Variants in SIGLEC10 observed in about 807,000 individuals in gnomAD.
The protein encoded by SIGLEC10 is sialic acid binding Ig like lectin 10.
Under a neutral mutation model 68.3 loss-of-function variants are expected in SIGLEC10, and 45 were observed. The observed-to-expected ratio is 0.66, with a 90% CI of 0.52 to 0.84. The LOEUF (loss-of-function observed/expected upper bound fraction) is 0.84, where lower values mean the gene tolerates loss of function less well. SIGLEC10 is among the 40% of genes least tolerant of loss of function. The pLI is 0.00. For synonymous variants in SIGLEC10, 379 were observed against 370.8 expected (o/e 1.02, Z -0.26); for missense variants, 789 against 883.1 (o/e 0.89, Z 1.35).
At chr19:51,412,699 A>C (rs6509535) in intron 10 of SIGLEC10, among the ~76,000 whole-genome samples, 80,311 of 151,558 alleles carry the variant, frequency 0.53, 23,754 homozygotes, top group African/African-American at 0.81. Context: ...TGCTCTTAAA[A>C]TTTTGACCTC....
chr19:51,410,921 T>C lies in SIGLEC10; in HGVS notation c.*178A>G. On this transcript the variant is annotated 3_prime_UTR_variant, in exon 11 of 11. Coordinates refer to ENST00000339313, the MANE Select transcript of SIGLEC10 (RefSeq NM_033130.5). Reference sequence around the variant, plus strand: ...ACCTCAACCTCCCAAAGTGCTGGGATTACAGGCGTGAGCCACTGTGCCCTG... The same window carrying C: ...ACCTCAACCTCCCAAAGTGCTGGGACTACAGGCGTGAGCCACTGTGCCCTG... The C allele has an allele frequency of 1.4e-6, 1 of 718,644 alleles. No homozygotes were observed. The highest frequency in any genetic ancestry group is 2.2e-6 in the Non-Finnish European group (1 of 454,350). The allele number at this position is 718,644 out of a possible 1,614,324, so 44.5% of individuals were successfully genotyped here. A position where few individuals can be genotyped will look rare whatever the true frequency, so the allele number is the denominator to read the frequency against.
chr19:51,412,682 A>G (rs1397776249), intron 10 of SIGLEC10, among the ~76,000 whole-genome samples: 1 of 151,734 alleles, frequency 6.6e-6, no homozygotes, highest in African/African-American at 2.4e-5. Context: ...CACCATGTTG[A>G]ACACGCTGCT....
Position 51,415,063 on chromosome 19 carries a change from C to A in SIGLEC10, c.1376G>T (p.Gly459Val). ...CTGGGAGGAGCAGCTGCAGTGCAGACCCTCAGCCTCCCAGGAGCAGGAGGG... is the reference window on the plus strand; with the variant it reads ...CTGGGAGGAGCAGCTGCAGTGCAGAACCTCAGCCTCCCAGGAGCAGGAGGG... ...LGPSCSWEAE[G>V]LHCSCSSQAS... The change falls in exon 8 of 11, where the codon GGT becomes GTT. Residue 459 changes from glycine to valine, a missense_variant. Transcript: ENST00000339313. 1 of 1,588,166 alleles carries A rather than the reference C, an allele frequency of 6.3e-7. No individual in the cohort carries two copies.
At chr19:51,416,528 C>T (rs562346187) in intron 3 of SIGLEC10, 138 bp downstream of exon 3, 71 of 1,568,782 alleles carry the variant, frequency 4.5e-5, no homozygotes, top group South Asian at 1.7e-4. Context: ...CCCAGGGCTG[C>T]GGCGGCATCC....
rs1988550262 is a variant in SIGLEC10 at position 51,415,720 on chromosome 19, G to C, written c.1025-105C>G. 3.1e-6 allele frequency: 5 copies of C among 1,592,666 alleles called. No individual in the cohort carries two copies. In the Admixed American group the frequency reaches 6.8e-5, roughly 22 times the overall value. On this transcript the variant is annotated intron_variant, in intron 5 of 10. Transcript: ENST00000339313. ...GTGGGGGAAGTGGGTGGGATAGAAG[G>C]GCAGGGCAGAATCACCCACTGAGTC...
In SIGLEC10 at chr19:51,417,265, G is replaced by C. The variant is rs763135249; in HGVS notation, c.238C>G (p.Arg80Gly). The C allele has an allele frequency of 6.2e-7, 1 of 1,614,184 alleles. No homozygotes were observed. Among genetic ancestry groups the C allele is most frequent in the Non-Finnish European group, 8.5e-7 (1 of 1,180,028 alleles). Residue 80 changes from arginine (R) to glycine (G), a missense_variant, in exon 2 of 11, where the codon CGA becomes GGA. Arg to Gly is a moderately radical substitution (Grantham distance 125, BLOSUM62 -2). Transcript: ENST00000339313. ...GAPVATNHQS[R>G]EVEMSTRGRF... ...CCCCGGGTGCTCATTTCCACCTCTC[G>C]ACTCTGGTGGTTTGTGGCCACAGGA...
intron 10 of SIGLEC10, 71 bp downstream of exon 10, chr19:51,413,641 G>A: frequency 1.5e-6 from 2 of 1,354,554 alleles, no homozygotes; most frequent in Non-Finnish European, 2.1e-6. Flanking sequence ...AAGACAAGGG[G>A]TGCAAAAGTC....
chr19:51,414,956 T>C lies in SIGLEC10; in HGVS notation c.1483A>G (p.Thr495Ala), dbSNP rs766261919. The C allele has an allele frequency of 1.9e-6, 3 of 1,613,658 alleles. No individual in the cohort carries two copies. Among genetic ancestry groups the C allele is most frequent in the South Asian group, 2.2e-5 (2 of 91,050 alleles). Reference sequence around the variant, plus strand: ...GCCCAGGGCCCGGCTGAGCTGGGGGTGACCTCGAAGGAGTCCTGGCTGCTG... The same window carrying C: ...GCCCAGGGCCCGGCTGAGCTGGGGGCGACCTCGAAGGAGTCCTGGCTGCTG... ...GNSSQDSFEV[T>A]PSSAGPWANS... The change falls in exon 8 of 11, where the codon ACC (threonine) becomes GCC (alanine). Residue 495 changes from threonine (T) to alanine (A), a missense_variant. By Grantham distance (58) the Thr-to-Ala change is moderately conservative. Transcript: ENST00000339313. This position sits in a 1 kb window ranked among gnomAD's most constrained non-coding sequence, Gnocchi z 4.1.
At chr19:51,411,399 C>T in intron 10 of SIGLEC10, 28 bp from the exon 11 acceptor site, 1 of 1,610,734 alleles carries the variant, frequency 6.2e-7, no homozygotes, top group Non-Finnish European at 8.5e-7. Context: ...ATCCTTCATT[C>T]ATTCATTCAG....
At chr19:51,416,282 C>G (rs1452134123) in intron 4 of SIGLEC10, 28 bp downstream of exon 4, 2 of 1,613,858 alleles carry the variant, frequency 1.2e-6, no homozygotes, top group Non-Finnish European at 1.7e-6. Flanking sequence ...GACAACTGGC[C>G]CAGCCCCAGC....
At position 51,411,005 on chromosome 19, in the gene SIGLEC10, AGG is replaced by A; in HGVS notation, c.*92_*93del. On this transcript the variant is annotated 3_prime_UTR_variant, in exon 11 of 11. Coordinates refer to ENST00000339313, the MANE Select transcript of SIGLEC10 (RefSeq NM_033130.5). The stretch of plus-strand genomic sequence containing the variant: ...GAGAGAGAGAGAAAGAGAGAGAGAG[AGG>A]GAGAGAAGGAAACTTTGCACTCTGT... 7.4e-7 allele frequency: 1 copy of A among 1,360,490 alleles called. No individual in the cohort carries two copies. The highest frequency in any genetic ancestry group is 1.0e-6 in the Non-Finnish European group (1 of 994,252). The allele number at this position is 1,360,490 out of a possible 1,614,324, so 84.3% of individuals were successfully genotyped here. A position where few individuals can be genotyped will look rare whatever the true frequency, so the allele number is the denominator to read the frequency against.
chr19:51,416,992 G>T, intron 2 of SIGLEC10, 42 bp from the exon 3 acceptor site: 5 of 1,593,258 alleles, frequency 3.1e-6, no homozygotes, highest in Non-Finnish European at 4.3e-6. Flanking sequence ...TGCTGCAGGG[G>T]TCCCTGAGAG....
chr19:51,411,913 C>T (rs1476964842), intron 10 of SIGLEC10, among the ~76,000 whole-genome samples: 2 of 151,836 alleles, frequency 1.3e-5, no homozygotes, highest in Non-Finnish European at 2.9e-5. Context: ...GAGGCTGAGG[C>T]GGGTGGATCA....
In SIGLEC10 at chr19:51,415,355, G is replaced by T; in HGVS notation, c.1156C>A (p.Pro386Thr). The change falls in exon 7 of 11, where the codon CCC becomes ACC. Residue 386 changes from proline (P) to threonine (T), a missense_variant. By Grantham distance (38) the Pro-to-Thr change is conservative. Transcript: ENST00000339313. Reference sequence around the variant, plus strand: ...TGGGTCCAGCTCAGCCTGGCTGGGGGGCTGCTGTGTGTGACACAGACCAGG... The same window carrying T: ...TGGGTCCAGCTCAGCCTGGCTGGGGTGCTGCTGTGTGTGACACAGACCAGG... Reference protein sequence around the residue: ...LCLVCVTHSSPPARLSWTQRG... With the variant: ...LCLVCVTHSSTPARLSWTQRG... 1.2e-6 allele frequency: 2 copies of T among 1,613,252 alleles called. No homozygotes were observed. Among genetic ancestry groups the T allele is most frequent in the Non-Finnish European group, 1.7e-6 (2 of 1,179,526 alleles).
intron 3 of SIGLEC10, 45 bp from the exon 4 acceptor site, chr19:51,416,402 C>T: frequency 1.2e-6 from 2 of 1,613,900 alleles, no homozygotes; most frequent in Non-Finnish European, 1.7e-6. Flanking sequence ...ACAATTTATT[C>T]CTCACACCTG....
intron 10 of SIGLEC10, among the ~76,000 whole-genome samples, chr19:51,412,072 G>A (rs1476500046): frequency 7.2e-5 from 11 of 152,088 alleles, no homozygotes; most frequent in Admixed American, 7.2e-4. Context: ...GAACCAGGAG[G>A]TGGAGGTTGC....
intron 10 of SIGLEC10, 94 bp downstream of exon 10, chr19:51,413,618 C>A: frequency 1.8e-6 from 2 of 1,124,572 alleles, no homozygotes; most frequent in Non-Finnish European, 2.6e-6. Flanking sequence ...GCTTTTCCCA[C>A]CTTGATGTCG....
In SIGLEC10 at chr19:51,416,182, A is replaced by T. The variant is rs779787330; in HGVS notation, c.755-15T>A. ...GGGCTCCAGGGCTGGAGTGGGAGGA[A>T]AAAAAAAAAAGAGAGAAAGGGAGGG... On this transcript the variant is annotated splice_polypyrimidine_tract_variant and intron_variant, in intron 4 of 10. Coordinates refer to ENST00000339313, the MANE Select transcript of SIGLEC10 (RefSeq NM_033130.5). 7.5e-7 allele frequency: 1 copy of T among 1,330,436 alleles called. No homozygotes were observed. The highest frequency in any genetic ancestry group is 2.5e-5 in the East Asian group (1 of 40,082). The allele number at this position is 1,330,436 out of a possible 1,614,324, so 82.4% of individuals were successfully genotyped here.
Position 51,417,451 on chromosome 19 carries a change from C to CCATA in SIGLEC10, c.48_51dup (p.Asp18TyrfsTer50). ...TGCACTCGTATCCAGAATCTCCCAT[C>CCATA]CATAGCCTGGGACCCTGTGGGGAGA... is the stretch of plus-strand genomic sequence containing the variant. On this transcript the variant is annotated frameshift_variant, in exon 2 of 11. Coordinates refer to ENST00000339313, the MANE Select transcript of SIGLEC10 (RefSeq NM_033130.5). LOFTEE classifies it high-confidence loss of function. The CCATA allele has an allele frequency of 6.2e-7, 1 of 1,613,726 alleles. No homozygotes were observed. Among genetic ancestry groups the CCATA allele is most frequent in the Non-Finnish European group, 8.5e-7 (1 of 1,179,678 alleles).
Sources: allele counts gnomAD v4.1 joint callset (sites outside exome capture counted in the v4.1 genomes callset), GRCh38; gene constraint gnomAD v4.1.1; non-coding constraint Gnocchi (gnomAD v3.1); transcripts MANE v1.5; gene names NCBI Gene and HGNC (gene_info 2026-07-23, HGNC 2026-07-21).